SCN7A: variants seen among roughly 807,000 people sequenced by gnomAD.
The protein encoded by SCN7A is sodium channel protein type 7 subunit alpha.
In SCN7A, 138 loss-of-function variants were observed where a neutral mutation model predicts 155.2. The observed-to-expected ratio is 0.89, with a 90% confidence interval of 0.77 to 1.02. The LOEUF (loss-of-function observed/expected upper bound fraction) is 1.02. Among genes scored for constraint, SCN7A ranks in the 50% least tolerant of loss-of-function variants. The probability of loss-of-function intolerance (pLI) is 0.00; values close to 1 mark genes in which losing one functional copy is unlikely to be tolerated. For synonymous variants in SCN7A, 693 were observed against 649.0 expected, an observed-to-expected ratio of 1.07 and a Z score of -1.03; for missense variants, 2,058 against 1,986.6, an observed-to-expected ratio of 1.04 and a Z score of -0.68.
At chr2:166,461,037 T>A (rs1352290715) in intron 10 of SCN7A, among the ~76,000 whole-genome samples, 1 of 146,190 alleles carries the variant, frequency 6.8e-6, no homozygotes. Context: ...AAATGTCACT[T>A]GTAATATTTT....
In SCN7A at chr2:166,414,313, C is replaced by T. The variant is rs550049348; in HGVS notation, c.3415-1192G>A. 1.9e-3 allele frequency among the ~76,000 whole-genome samples: 117 copies of T among 62,358 alleles called. 3 individuals carry two copies. The highest frequency in any genetic ancestry group is 8.8e-3 in the East Asian group (18 of 2,040). The allele number at this position is 62,358 out of a possible 152,430, so 40.9% of individuals were successfully genotyped here. A position where few individuals can be genotyped will look rare whatever the true frequency, so the allele number is the denominator to read the frequency against. ...ACACACATATATATATATATATATA[C>T]ACATATATATATATATATGAAGGAA... is the stretch of plus-strand genomic sequence containing the variant. On this transcript the variant is annotated intron_variant, in intron 21 of 25. Transcript: ENST00000643258.
chr2:166,474,717 T>C (rs946086860), intron 3 of SCN7A, among the ~76,000 whole-genome samples: 1 of 151,740 alleles, frequency 6.6e-6, no homozygotes, highest in African/African-American at 2.4e-5. Context: ...AGAACGTTAA[T>C]GAATGTTAAA....
chr2:166,406,305 C>A lies in SCN7A; in HGVS notation c.4324G>T (p.Ala1442Ser). 1 of 1,613,094 alleles carries A rather than the reference C, an allele frequency of 6.2e-7. No individual in the cohort carries two copies. The highest frequency in any genetic ancestry group is 8.5e-7 in the Non-Finnish European group (1 of 1,179,402). Residue 1442 changes from alanine to serine, a missense_variant, in exon 26 of 26, where the codon GCA (alanine) becomes TCA (serine). Physicochemically the swap from Ala to Ser is moderately conservative, Grantham distance 99 (BLOSUM62 1). Transcript: ENST00000643258. Reference protein sequence around the residue: ...IFAGWDGMLDAIFNSKWSDCD... With the variant: ...IFAGWDGMLDSIFNSKWSDCD... ...TCAGACCATTTACTGTTGAAAATTG[C>A]ATCAAGCATCCCATCCCAACCAGCA...
At chr2:166,414,140 AAT>A (rs1187208404) in intron 21 of SCN7A, among the ~76,000 whole-genome samples, 1 of 64,842 alleles carries the variant, frequency 1.5e-5, no homozygotes, top group African/African-American at 6.9e-5. Flanking sequence ...TATATATGTA[AAT>A]ATATATAAAT....
chr2:166,420,907 A>G, intron 20 of SCN7A, among the ~76,000 whole-genome samples: 1 of 151,974 alleles, frequency 6.6e-6, no homozygotes, highest in South Asian at 2.1e-4. Context: ...TAATATGCAT[A>G]TGTATATGGG....
At chr2:166,487,752 T>C (rs1056985906) in intron 1 of SCN7A, among the ~76,000 whole-genome samples, 1 of 152,162 alleles carries the variant, frequency 6.6e-6, no homozygotes, top group Non-Finnish European at 1.5e-5. Context: ...TTCAAGAATG[T>C]AGACCATAGA....
At chr2:166,460,409 T>A (rs932834732) in intron 10 of SCN7A, among the ~76,000 whole-genome samples, 3 of 150,926 alleles carry the variant, frequency 2.0e-5, no homozygotes, top group East Asian at 3.9e-4. Flanking sequence ...ATCAAAAAAA[T>A]TAAAATAAGA....
chr2:166,491,521 T>A (rs576680384), intron 1 of SCN7A, among the ~76,000 whole-genome samples: 22 of 152,302 alleles, frequency 1.4e-4, no homozygotes, highest in Admixed American at 1.4e-3. Flanking sequence ...GGTCAAGAGA[T>A]ATGCACCAAC....
At chr2:166,474,205 C>A in intron 4 of SCN7A, 21 bp downstream of exon 4, 1 of 1,170,118 alleles carries the variant, frequency 8.5e-7, no homozygotes, top group Non-Finnish European at 1.2e-6. Context: ...TTAAAGTCAA[C>A]AAGTCAACAG....
chr2:166,406,785 C>T, intron 25 of SCN7A, 139 bp from the exon 26 acceptor site: 1 of 672,064 alleles, frequency 1.5e-6, no homozygotes, highest in Non-Finnish European at 2.5e-6. Flanking sequence ...ACTAATCATT[C>T]TCATTTAACA....
At chr2:166,418,833 A>C (rs1366262506) in intron 20 of SCN7A, among the ~76,000 whole-genome samples, 1 of 152,200 alleles carries the variant, frequency 6.6e-6, no homozygotes, top group Non-Finnish European at 1.5e-5. Flanking sequence ...AACTTATTAA[A>C]TACATAAATC....
chr2:166,439,055 G>GTATGTATATATA (rs1553516974), intron 15 of SCN7A, among the ~76,000 whole-genome samples: 1 of 113,412 alleles, frequency 8.8e-6, no homozygotes, highest in African/African-American at 3.8e-5. Flanking sequence ...GTGTGTGTGT[G>GTATGTATATATA]TATATATATA....
chr2:166,484,021 T>G (rs1702989830), intron 2 of SCN7A, among the ~76,000 whole-genome samples: 1 of 152,010 alleles, frequency 6.6e-6, no homozygotes, highest in South Asian at 2.1e-4. Context: ...TAAATACATA[T>G]AGAATGATTT....
intron 1 of SCN7A, among the ~76,000 whole-genome samples, chr2:166,488,156 T>C (rs1340382686): frequency 6.6e-6 from 1 of 152,214 alleles, no homozygotes; most frequent in East Asian, 1.9e-4. Context: ...CCAACTTATA[T>C]TGACATTTTT....
Position 166,465,537 on chromosome 2 carries a change from A to G in SCN7A, c.872-6T>C, listed in dbSNP as rs1489806686. On this transcript the variant is annotated splice_polypyrimidine_tract_variant and splice_region_variant and intron_variant, in intron 8 of 25. Transcript: ENST00000643258. Reference sequence around the variant, plus strand: ...ATAATAAAAGTTTTCTGTTTCTGAAAAACAGGCAAGAAATGATATTCTATA... The same window carrying G: ...ATAATAAAAGTTTTCTGTTTCTGAAGAACAGGCAAGAAATGATATTCTATA... 1.3e-6 allele frequency: 2 copies of G among 1,583,414 alleles called. No individual in the cohort carries two copies. The highest frequency in any genetic ancestry group is 1.3e-5 in the African/African-American group (1 of 74,260).
chr2:166,477,826 C>A (rs561467330), intron 2 of SCN7A, 116 bp from the exon 3 acceptor site: 2 of 563,364 alleles, frequency 3.6e-6, no homozygotes, highest in East Asian at 3.3e-5. Flanking sequence ...AGAACATATT[C>A]CTTAGTTTTG....
chr2:166,420,799 C>A (rs1701494603), intron 20 of SCN7A, among the ~76,000 whole-genome samples: 1 of 151,854 alleles, frequency 6.6e-6, no homozygotes, highest in African/African-American at 2.4e-5. Context: ...AGTGAGTAAC[C>A]ACTTAGGGTA....
chr2:166,414,008 T>TATATATATATATAC (rs1423218806), intron 21 of SCN7A, among the ~76,000 whole-genome samples: 2 of 75,462 alleles, frequency 2.7e-5, no homozygotes, highest in African/African-American at 5.4e-5. Context: ...TATATAAATA[T>TATATATATATATAC]ACTATATATA....
In SCN7A at chr2:166,409,752, T is replaced by C. The variant is rs756260379; in HGVS notation, c.3895A>G (p.Ile1299Val). Reference sequence around the variant, plus strand: ...CAACGGAAAGCGATGAGCTTCAGTATACATTCCATAGTATATAGCATAACA... The same window carrying C: ...CAACGGAAAGCGATGAGCTTCAGTACACATTCCATAGTATATAGCATAACA... ...IFVMLYTMEC[I>V]LKLIAFRCFY... Residue 1299 changes from isoleucine (I) to valine (V), a missense_variant, in exon 25 of 26, where the codon ATA becomes GTA. Coordinates refer to ENST00000643258, the MANE Select transcript of SCN7A (RefSeq NM_002976.4). 8 of 1,558,838 alleles carry C rather than the reference T, an allele frequency of 5.1e-6. No homozygotes were observed. The African/African-American group carries it at 6.8e-5, about 13-fold the overall frequency.
Sources: allele counts gnomAD v4.1 joint callset (sites outside exome capture counted in the v4.1 genomes callset), GRCh38; gene constraint gnomAD v4.1.1; transcripts MANE v1.5; gene names NCBI Gene and HGNC (gene_info 2026-07-23, HGNC 2026-07-21).